Variants in ALPK2 observed in about 807,000 individuals in gnomAD.
ALPK2 encodes the protein alpha kinase 2, also known as alpha-protein kinase 2.
A neutral mutation model predicts 163.1 loss-of-function variants in ALPK2; 127 were observed. The observed-to-expected ratio is 0.78, with a 90% CI of 0.67 to 0.90. The LOEUF (loss-of-function observed/expected upper bound fraction) is 0.90. ALPK2 is among the 40% of genes least tolerant of loss of function. The probability of loss-of-function intolerance (pLI) is 0.00; values close to 1 mark genes in which losing one functional copy is unlikely to be tolerated. For missense variants in ALPK2, 2,360 were observed against 2,589.6 expected (o/e 0.91, Z 1.92); for synonymous variants, 953 against 959.1 (o/e 0.99, Z 0.12).
chr18:58,546,417 G>A (rs563142729), intron 4 of ALPK2, among the ~76,000 whole-genome samples: 85 of 152,276 alleles, frequency 5.6e-4, no homozygotes, highest in African/African-American at 1.9e-3. Flanking sequence ...TGGTGACATG[G>A]TACGAGTGGA....
At chr18:58,598,000 A>G (rs186858862) in intron 3 of ALPK2, among the ~76,000 whole-genome samples, 94 of 152,338 alleles carry the variant, frequency 6.2e-4, no homozygotes, top group Admixed American at 1.6e-3. Context: ...TGGCACCTCA[A>G]TCTTGGACCT....
At chr18:58,497,910 T>C in intron 12 of ALPK2, 139 bp downstream of exon 12, 1 of 726,664 alleles carries the variant, frequency 1.4e-6, no homozygotes, top group South Asian at 1.8e-5. Context: ...GTGAGAGAAA[T>C]GAATTCATTC....
chr18:58,481,876 AGTTT>A lies in ALPK2; in HGVS notation c.6456_6459del (p.Asn2153LeufsTer2). The A allele has an allele frequency of 6.2e-7, 1 of 1,613,856 alleles. No individual in the cohort carries two copies. The highest frequency in any genetic ancestry group is 8.5e-7 in the Non-Finnish European group (1 of 1,179,874). The stretch of plus-strand genomic sequence containing the variant: ...GGCCCTGCCTTCTTTATTGTCATAG[AGTTT>A]GTTTGAACTTTGCTTTTCCCAATGC... On this transcript the variant is annotated frameshift_variant, in exon 13 of 13. Transcript: ENST00000361673. LOFTEE classifies it low-confidence loss of function (END_TRUNC).
At chr18:58,494,647 G>GC (rs1394033733) in intron 12 of ALPK2, among the ~76,000 whole-genome samples, 1 of 151,854 alleles carries the variant, frequency 6.6e-6, no homozygotes, top group Non-Finnish European at 1.5e-5. Flanking sequence ...CCAGGTACCA[G>GC]CCCCCCCATA....
At chr18:58,539,699 C>T (rs71357603) in intron 4 of ALPK2, among the ~76,000 whole-genome samples, 48,208 of 152,014 alleles carry the variant, frequency 0.32, 8,218 homozygotes, top group East Asian at 0.53. Context: ...CAGCGTATGA[C>T]AAAACAGAGC....
intron 4 of ALPK2, among the ~76,000 whole-genome samples, chr18:58,571,813 T>G (rs886452138): frequency 1.3e-5 from 2 of 151,890 alleles, no homozygotes; most frequent in African/African-American, 4.8e-5. Flanking sequence ...CCGTCTCTAC[T>G]AAAAATCCAA....
chr18:58,533,309 T>C (rs565391534), intron 5 of ALPK2, among the ~76,000 whole-genome samples: 1 of 152,286 alleles, frequency 6.6e-6, no homozygotes, highest in South Asian at 2.1e-4. Context: ...AAAAAGGTGG[T>C]TTTGCTTGTC....
At chr18:58,494,952 A>G (rs1199504459) in intron 12 of ALPK2, among the ~76,000 whole-genome samples, 2 of 152,122 alleles carry the variant, frequency 1.3e-5, no homozygotes, top group South Asian at 2.1e-4. Context: ...CTCGCCTCCC[A>G]GCATTGAGGA....
At chr18:58,598,104 C>T (rs530649957) in intron 3 of ALPK2, among the ~76,000 whole-genome samples, 1 of 152,352 alleles carries the variant, frequency 6.6e-6, no homozygotes, top group Non-Finnish European at 1.5e-5. Context: ...CTATGACAGG[C>T]AGGGTCTGAG....
Position 58,535,245 on chromosome 18 carries a change from A to G in ALPK2, c.4942T>C (p.Ser1648Pro). The change falls in exon 5 of 13, where the codon TCC becomes CCC. Residue 1648 changes from serine (S) to proline (P), a missense_variant. By Grantham distance (74) the Ser-to-Pro change is moderately conservative. Coordinates refer to ENST00000361673, the MANE Select transcript of ALPK2 (RefSeq NM_052947.4). ...GETKPPSSSS[S>P]SAKTLAFISG... ...ATAAATGCCAAGGTCTTCGCTGAGG[A>G]GCTAGATGAGCTTGGGGGTTTGGTT... 6.2e-7 allele frequency: 1 copy of G among 1,614,096 alleles called. No homozygotes were observed. The highest frequency in any genetic ancestry group is 1.6e-4 in the Middle Eastern group (1 of 6,062).
chr18:58,578,646 G>A, intron 4 of ALPK2, 168 bp downstream of exon 4: 6 of 640,266 alleles, frequency 9.4e-6, no homozygotes, highest in Non-Finnish European at 1.5e-5. Flanking sequence ...AGCAGCAGCT[G>A]TCATGCACAA....
At chr18:58,569,932 C>T (rs1413898896) in intron 4 of ALPK2, among the ~76,000 whole-genome samples, 1 of 151,906 alleles carries the variant, frequency 6.6e-6, no homozygotes, top group South Asian at 2.1e-4. Context: ...AGGTCAAGAC[C>T]GTCCTGGCTA....
At chr18:58,530,440 C>A (rs2051607232) in intron 5 of ALPK2, among the ~76,000 whole-genome samples, 1 of 152,210 alleles carries the variant, frequency 6.6e-6, no homozygotes, top group Non-Finnish European at 1.5e-5. Context: ...CCTGCCCAAG[C>A]TGAGACCGTG....
chr18:58,512,308 G>A (rs1295691913), intron 10 of ALPK2: 1 of 152,238 alleles, frequency 6.6e-6, no homozygotes, highest in Non-Finnish European at 1.5e-5. Context: ...CCAGCAGGAC[G>A]CCATTTGCAT....
At chr18:58,553,570 AC>A (rs1448469334) in intron 4 of ALPK2, among the ~76,000 whole-genome samples, 1 of 152,172 alleles carries the variant, frequency 6.6e-6, no homozygotes, top group Non-Finnish European at 1.5e-5. Flanking sequence ...CAAGGGAGAG[AC>A]CAGGTGGAGG....
chr18:58,573,613 C>CTTTTTTTT (rs778622176), intron 4 of ALPK2, among the ~76,000 whole-genome samples: 25 of 51,738 alleles, frequency 4.8e-4, no homozygotes, highest in African/African-American at 8.6e-4. Flanking sequence ...TTTTTGTCTT[C>CTTTTTTTT]TTTTTTTTTT....
chr18:58,486,839 A>C (rs1456164231), intron 12 of ALPK2, among the ~76,000 whole-genome samples: 1 of 152,232 alleles, frequency 6.6e-6, no homozygotes, highest in Non-Finnish European at 1.5e-5. Flanking sequence ...ATAGGGCAAC[A>C]TCCTTTGTGT....
chr18:58,587,812 C>A (rs2051995107), intron 3 of ALPK2, among the ~76,000 whole-genome samples: 1 of 152,018 alleles, frequency 6.6e-6, no homozygotes, highest in Non-Finnish European at 1.5e-5. Flanking sequence ...GAGAAAAAAA[C>A]AGAAGGAATA....
intron 3 of ALPK2, among the ~76,000 whole-genome samples, chr18:58,594,616 C>G (rs1474030103): frequency 6.6e-6 from 1 of 152,202 alleles, no homozygotes; most frequent in African/African-American, 2.4e-5. Flanking sequence ...CAGAGCTCTG[C>G]TAATTCATCA....
Sources: allele counts gnomAD v4.1 joint callset (sites outside exome capture counted in the v4.1 genomes callset), GRCh38; gene constraint gnomAD v4.1.1; transcripts MANE v1.5; gene names NCBI Gene and HGNC (gene_info 2026-07-23, HGNC 2026-07-21).